ZDHHC2: variants seen among roughly 807,000 people sequenced by gnomAD.
ZDHHC2 encodes the protein palmitoyltransferase ZDHHC2.
ZDHHC2 carries 51 observed loss-of-function variants against 55.6 expected under a neutral mutation model. That is an observed-to-expected ratio of 0.92 (90% CI 0.73 to 1.16). The LOEUF (loss-of-function observed/expected upper bound fraction) is 1.16. Among genes scored for constraint, ZDHHC2 ranks in the 50% most tolerant of loss-of-function variants. The probability of loss-of-function intolerance (pLI) is 0.00; values close to 1 mark genes in which losing one functional copy is unlikely to be tolerated. For missense variants in ZDHHC2, 491 were observed against 442.4 expected, an observed-to-expected ratio of 1.11 and a Z score of -0.99; for synonymous variants, 199 against 152.9, an observed-to-expected ratio of 1.30 and a Z score of -2.22.
chr8:17,192,434 C>T (rs778549394), intron 3 of ZDHHC2, among the ~76,000 whole-genome samples: 4 of 152,176 alleles, frequency 2.6e-5, no homozygotes, highest in Admixed American at 6.5e-5. Flanking sequence ...TGAGAAATGT[C>T]TATTCAGATC....
intron 3 of ZDHHC2, among the ~76,000 whole-genome samples, chr8:17,187,886 A>G (rs1805796759): frequency 6.6e-6 from 1 of 152,220 alleles, no homozygotes; most frequent in African/African-American, 2.4e-5. Flanking sequence ...AATACAAAAC[A>G]TCAAAAACAG....
chr8:17,205,841 C>T (rs1255224207), intron 7 of ZDHHC2, 66 bp downstream of exon 7: 1 of 1,451,462 alleles, frequency 6.9e-7, no homozygotes, highest in Non-Finnish European at 9.2e-7. Context: ...CTTTTCAGAA[C>T]AGAATTATTT....
chr8:17,224,051 A>G lies in ZDHHC2; in HGVS notation c.*3830A>G, dbSNP rs1304132132. 1.3e-5 allele frequency: 2 copies of G among 151,602 alleles called. No homozygotes were observed. Among genetic ancestry groups the G allele is most frequent in the Non-Finnish European group, 3.0e-5 (2 of 67,674 alleles). The allele number at this position is 151,602 out of a possible 1,614,324, so 9.4% of individuals were successfully genotyped here. A position where few individuals can be genotyped will look rare whatever the true frequency, so the allele number is the denominator to read the frequency against. On this transcript the variant is annotated 3_prime_UTR_variant, in exon 13 of 13. Coordinates refer to ENST00000262096, the MANE Select transcript of ZDHHC2 (RefSeq NM_016353.5). ...CACCCATTTTTTTTTTCCTTCCTCA[A>G]AATAGTCTCCTTGAAATGTGAGCAA...
chr8:17,167,751 A>G (rs1436988670), intron 1 of ZDHHC2, among the ~76,000 whole-genome samples: 1 of 152,202 alleles, frequency 6.6e-6, no homozygotes, highest in Non-Finnish European at 1.5e-5. Context: ...TGTGTAATAG[A>G]GTAAGTAATA....
intron 1 of ZDHHC2, among the ~76,000 whole-genome samples, chr8:17,180,398 A>G (rs1805369886): frequency 6.6e-6 from 1 of 151,948 alleles, no homozygotes; most frequent in Non-Finnish European, 1.5e-5. Flanking sequence ...GATTTACATT[A>G]TTTTTCACCT....
chr8:17,165,690 T>C (rs1378873754), intron 1 of ZDHHC2, among the ~76,000 whole-genome samples: 1 of 152,148 alleles, frequency 6.6e-6, no homozygotes, highest in Non-Finnish European at 1.5e-5. Context: ...AAAACATAAG[T>C]ACATTAGACA....
In ZDHHC2 at chr8:17,223,249, C is replaced by G. The variant is rs974900097; in HGVS notation, c.*3028C>G. On this transcript the variant is annotated 3_prime_UTR_variant, in exon 13 of 13. Coordinates refer to ENST00000262096, the MANE Select transcript of ZDHHC2 (RefSeq NM_016353.5). Reference sequence around the variant, plus strand: ...TTTGTAAAAGTGATGGTTCTGATACCTTTGATCAAACATAGATACAAACCT... The same window carrying G: ...TTTGTAAAAGTGATGGTTCTGATACGTTTGATCAAACATAGATACAAACCT... The G allele has an allele frequency of 6.6e-6, 1 of 151,660 alleles. No homozygotes were observed. The highest frequency in any genetic ancestry group is 2.4e-5 in the African/African-American group (1 of 41,344). 9.4% of individuals were successfully genotyped at this position (151,660 alleles called of 1,614,324 possible). A position where few individuals can be genotyped will look rare whatever the true frequency, so the allele number is the denominator to read the frequency against.
chr8:17,196,237 A>T (rs1393884965), intron 4 of ZDHHC2, among the ~76,000 whole-genome samples: 1 of 152,036 alleles, frequency 6.6e-6, no homozygotes, highest in African/African-American at 2.4e-5. Context: ...AGACTTGCCC[A>T]GAGCTTCTGT....
intron 1 of ZDHHC2, among the ~76,000 whole-genome samples, chr8:17,179,953 C>G (rs995660924): frequency 4.6e-5 from 7 of 151,972 alleles, no homozygotes; most frequent in African/African-American, 1.7e-4. Flanking sequence ...TAGGCTAATC[C>G]AAGATAAAAT....
chr8:17,201,802 G>T (rs753422260), intron 6 of ZDHHC2, among the ~76,000 whole-genome samples: 8 of 151,812 alleles, frequency 5.3e-5, no homozygotes, highest in Non-Finnish European at 1.5e-5. Flanking sequence ...GGCCAGGGCA[G>T]CTTTTTTATA....
At chr8:17,166,421 G>T (rs1804602497) in intron 1 of ZDHHC2, among the ~76,000 whole-genome samples, 1 of 152,192 alleles carries the variant, frequency 6.6e-6, no homozygotes, top group Non-Finnish European at 1.5e-5. Flanking sequence ...GGCGTGGAGG[G>T]TTGCATTAGA....
intron 11 of ZDHHC2, among the ~76,000 whole-genome samples, chr8:17,216,239 A>G (rs1807640751): frequency 6.6e-6 from 1 of 152,226 alleles, no homozygotes; most frequent in South Asian, 2.1e-4. Context: ...AAAGTCAGGT[A>G]GTACGAGAGT....
Position 17,186,372 on chromosome 8 carries a change from G to T in ZDHHC2, c.199G>T (p.Val67Phe). 1 of 1,591,128 alleles carries T rather than the reference G, an allele frequency of 6.3e-7. No individual in the cohort carries two copies. ...CTATCATCTACTTTTTGCAATGTTTGTCTGGTCATACTGGAAAACTATCTT... is the reference window on the plus strand; with the variant it reads ...CTATCATCTACTTTTTGCAATGTTTTTCTGGTCATACTGGAAAACTATCTT... ...MAYHLLFAMFVWSYWKTIFTL... is the reference protein window; with the variant it reads ...MAYHLLFAMFFWSYWKTIFTL... Residue 67 changes from valine to phenylalanine, a missense_variant, in exon 3 of 13, where the codon GTC (valine) becomes TTC (phenylalanine). By Grantham distance (50) the Val-to-Phe change is conservative (BLOSUM62 -1). Coordinates refer to ENST00000262096, the MANE Select transcript of ZDHHC2 (RefSeq NM_016353.5).
intron 6 of ZDHHC2, among the ~76,000 whole-genome samples, chr8:17,203,482 C>T (rs1348060672): frequency 1.3e-5 from 2 of 152,152 alleles, no homozygotes; most frequent in Non-Finnish European, 2.9e-5. Flanking sequence ...GATCTGCCTG[C>T]CTCGGCCCCC....
chr8:17,200,311 G>A (rs1380113290), intron 6 of ZDHHC2, among the ~76,000 whole-genome samples: 1 of 152,206 alleles, frequency 6.6e-6, no homozygotes, highest in Non-Finnish European at 1.5e-5. Context: ...TACCTCCAGG[G>A]GCAACCCTCA....
chr8:17,191,093 C>T (rs1806004448), intron 3 of ZDHHC2, among the ~76,000 whole-genome samples: 1 of 150,626 alleles, frequency 6.6e-6, no homozygotes, highest in South Asian at 2.1e-4. Context: ...TCCCAAGTAG[C>T]TGGGATTACA....
intron 1 of ZDHHC2, chr8:17,157,646 A>G (rs1183032168): frequency 6.6e-6 from 1 of 152,222 alleles, no homozygotes; most frequent in African/African-American, 2.4e-5. Context: ...AGTAGGGAGT[A>G]CAATGATGTC....
At chr8:17,218,520 C>T (rs865892055) in intron 12 of ZDHHC2, among the ~76,000 whole-genome samples, 3 of 151,996 alleles carry the variant, frequency 2.0e-5, no homozygotes, top group Non-Finnish European at 4.4e-5. Flanking sequence ...TAAAAGCCAT[C>T]GAGACTTCCC....
At chr8:17,160,823 G>C (rs547322799) in intron 1 of ZDHHC2, among the ~76,000 whole-genome samples, 1 of 152,160 alleles carries the variant, frequency 6.6e-6, no homozygotes, top group East Asian at 1.9e-4. Flanking sequence ...CTTAGAGAGC[G>C]GCCATAGAAG....
Sources: gnomAD v4.1 joint callset for allele counts (sites outside exome capture counted in the v4.1 genomes callset) on GRCh38, gnomAD v4.1.1 for gene constraint, MANE v1.5 for transcripts, NCBI Gene and HGNC (gene_info 2026-07-23, HGNC 2026-07-21) for gene names.